SEC11A: variants seen among roughly 807,000 people sequenced by gnomAD.
SEC11A encodes the protein signal peptidase complex catalytic subunit SEC11A.
A neutral mutation model predicts 25.6 loss-of-function variants in SEC11A; 14 were observed. That is an observed-to-expected ratio of 0.55 (90% CI 0.36 to 0.85). SEC11A has a LOEUF of 0.85. SEC11A is among the 40% of genes least tolerant of loss of function. The pLI, the probability that SEC11A is intolerant of heterozygous loss-of-function variation, is 0.01. For synonymous variants in SEC11A, 83 were observed against 76.4 expected (o/e 1.09, Z -0.45); for missense variants, 153 against 222.9 (o/e 0.69, Z 2.00).
intron 2 of SEC11A, 67 bp from the exon 3 acceptor site, chr15:84,687,841 A>G (rs1897475921): frequency 7.5e-7 from 1 of 1,335,386 alleles, no homozygotes; most frequent in East Asian, 2.5e-5. Context: ...TCAAAATTAG[A>G]TATTCAACAA....
intron 5 of SEC11A, 160 bp from the exon 6 acceptor site, chr15:84,670,229 C>A (rs1896946614): frequency 1.0e-5 from 5 of 495,952 alleles, no homozygotes; most frequent in Non-Finnish European, 1.7e-5. Context: ...CAATACTAAG[C>A]AAAATATCAC....
intron 1 of SEC11A, among the ~76,000 whole-genome samples, chr15:84,694,820 AGTGGCTC>A (rs1897713750): frequency 6.6e-6 from 1 of 152,012 alleles, no homozygotes; most frequent in South Asian, 2.1e-4. Flanking sequence ...GGCCGAGTGC[AGTGGCTC>A]ACGCCTGTAA....
In SEC11A at chr15:84,670,198, T is replaced by C; in HGVS notation, c.490-129A>G. The C allele has an allele frequency of 5.1e-6, 4 of 777,824 alleles. No individual in the cohort carries two copies. The South Asian group carries it at 8.6e-5, about 17-fold the overall frequency. The allele number at this position is 777,824 out of a possible 1,614,324, so 48.2% of individuals were successfully genotyped here. Reference sequence around the variant, plus strand: ...CCCAATTATTCTTTCATCTTTTAACTATAATCCATTTAAAAGTTTCCAATA... The same window carrying C: ...CCCAATTATTCTTTCATCTTTTAACCATAATCCATTTAAAAGTTTCCAATA... On this transcript the variant is annotated intron_variant, in intron 5 of 5. Transcript: ENST00000268220.
chr15:84,683,456 T>C (rs1252348751), intron 3 of SEC11A, among the ~76,000 whole-genome samples: 1 of 152,160 alleles, frequency 6.6e-6, no homozygotes, highest in Non-Finnish European at 1.5e-5. Flanking sequence ...CCTTCTGGGA[T>C]GTAATCAGGA....
At chr15:84,706,673 T>C (rs1266633525) in intron 1 of SEC11A, among the ~76,000 whole-genome samples, 4 of 152,212 alleles carry the variant, frequency 2.6e-5, no homozygotes, top group African/African-American at 9.6e-5. Flanking sequence ...GTTTTATCTT[T>C]ATTCGAAAGC....
chr15:84,696,546 T>C (rs1333798108), intron 1 of SEC11A, among the ~76,000 whole-genome samples: 1 of 152,204 alleles, frequency 6.6e-6, no homozygotes, highest in African/African-American at 2.4e-5. Context: ...GATTCTACAA[T>C]GTATATAGCT....
intron 1 of SEC11A, 67 bp downstream of exon 1, chr15:84,715,958 G>C (rs552777752): frequency 6.7e-7 from 1 of 1,488,602 alleles, no homozygotes; most frequent in African/African-American, 1.4e-5. Context: ...GGGGTCCGCC[G>C]GGCCCCGCAG....
chr15:84,674,266 CTTTT>C (rs1281161189), intron 4 of SEC11A, among the ~76,000 whole-genome samples: 1 of 151,172 alleles, frequency 6.6e-6, no homozygotes, highest in Non-Finnish European at 1.5e-5. Flanking sequence ...ACTGTTATTT[CTTTT>C]GTCTCATTTT....
intron 5 of SEC11A, 92 bp from the exon 6 acceptor site, chr15:84,670,161 A>G: frequency 8.7e-7 from 1 of 1,155,558 alleles, no homozygotes; most frequent in Non-Finnish European, 1.2e-6. Context: ...TTGTGAATAT[A>G]TCGCTAAACT....
chr15:84,686,022 G>A (rs1897412959), intron 3 of SEC11A: 1 of 151,686 alleles, frequency 6.6e-6, no homozygotes, highest in Non-Finnish European at 1.5e-5. Flanking sequence ...GGCTGGTCTT[G>A]AACTCCTGAG....
chr15:84,710,192 G>A (rs1898218928), intron 1 of SEC11A, among the ~76,000 whole-genome samples: 1 of 152,200 alleles, frequency 6.6e-6, no homozygotes, highest in African/African-American at 2.4e-5. Flanking sequence ...CATTTTAAGA[G>A]AACTTAAGAA....
At chr15:84,695,956 T>C (rs1253027121) in intron 1 of SEC11A, among the ~76,000 whole-genome samples, 1 of 152,192 alleles carries the variant, frequency 6.6e-6, no homozygotes, top group Admixed American at 6.5e-5. Flanking sequence ...CTAAACTGTT[T>C]TGGTTTATTT....
At chr15:84,700,028 G>A (rs750474315) in intron 1 of SEC11A, among the ~76,000 whole-genome samples, 3 of 151,932 alleles carry the variant, frequency 2.0e-5, no homozygotes, top group Non-Finnish European at 4.4e-5. Flanking sequence ...ATTAGCCACA[G>A]ACTAAAGGCC....
intron 4 of SEC11A, among the ~76,000 whole-genome samples, chr15:84,675,848 G>A (rs912372227): frequency 1.3e-5 from 2 of 152,118 alleles, no homozygotes; most frequent in African/African-American, 2.4e-5. Context: ...TACATGCTAC[G>A]ACATGAATAA....
chr15:84,681,200 G>A (rs1045515361), intron 3 of SEC11A, among the ~76,000 whole-genome samples: 1 of 152,114 alleles, frequency 6.6e-6, no homozygotes, highest in Non-Finnish European at 1.5e-5. Context: ...GAAACACAAA[G>A]AACAAAGGAA....
Position 84,691,571 on chromosome 15 carries a change from A to G in SEC11A, c.125T>C (p.Ile42Thr), listed in dbSNP as rs1450148594. ...ALMIWKGLMVITGSESPIVVV... is the reference protein window; with the variant it reads ...ALMIWKGLMVTTGSESPIVVV... ...TACAATCGGACTTTCACTTCCAGTTATTACCATTAACCCCTTCCAGATCAT... is the reference window on the plus strand; with the variant it reads ...TACAATCGGACTTTCACTTCCAGTTGTTACCATTAACCCCTTCCAGATCAT... The change falls in exon 2 of 6, where the codon ATA (isoleucine) becomes ACA (threonine). Residue 42 changes from isoleucine (I) to threonine (T), a missense_variant. Physicochemically the swap from Ile to Thr is moderately conservative, Grantham distance 89. Coordinates refer to ENST00000268220, the MANE Select transcript of SEC11A (RefSeq NM_014300.4). 2 of 1,612,446 alleles carry G rather than the reference A, an allele frequency of 1.2e-6. No individual in the cohort carries two copies. The highest frequency in any genetic ancestry group is 3.3e-5 in the Admixed American group (2 of 59,950).
intron 1 of SEC11A, among the ~76,000 whole-genome samples, chr15:84,705,171 T>C (rs554628302): frequency 6.6e-6 from 1 of 152,188 alleles, no homozygotes; most frequent in African/African-American, 2.4e-5. Context: ...GTGATCCTCC[T>C]GTCCAGGCTT....
At chr15:84,696,001 T>C (rs757273402) in intron 1 of SEC11A, among the ~76,000 whole-genome samples, 6 of 152,232 alleles carry the variant, frequency 3.9e-5, no homozygotes, top group East Asian at 1.9e-4. Context: ...AACACTATTC[T>C]TCTAGCATTC....
chr15:84,691,863 T>C (rs930668929), intron 1 of SEC11A: 6 of 393,438 alleles, frequency 1.5e-5, no homozygotes, highest in African/African-American at 4.2e-5. Context: ...TGGTAAAACA[T>C]CAGTTACATT....
Sources: gnomAD v4.1 joint callset for allele counts (sites outside exome capture counted in the v4.1 genomes callset) on GRCh38, gnomAD v4.1.1 for gene constraint, MANE v1.5 for transcripts, NCBI Gene and HGNC (gene_info 2026-07-23, HGNC 2026-07-21) for gene names.